Variants in RASAL2 observed in about 807,000 individuals in gnomAD.
The protein encoded by RASAL2 is RAS protein activator like 2, also known as ras GTPase-activating protein nGAP.
A neutral mutation model predicts 128.9 loss-of-function variants in RASAL2; 58 were observed. The observed-to-expected ratio is 0.45, with a 90% CI of 0.36 to 0.56. The LOEUF is 0.56. Among genes scored for constraint, RASAL2 ranks in the 20% least tolerant of loss-of-function variants. RASAL2 has a pLI of 0.00. For missense variants in RASAL2, 1,360 were observed against 1,601.6 expected (o/e 0.85, Z 2.57); for synonymous variants, 561 against 580.8 (o/e 0.97, Z 0.49).
chr1:178,406,959 G>C (rs186422404), intron 4 of RASAL2, among the ~76,000 whole-genome samples: 13 of 152,054 alleles, frequency 8.5e-5, no homozygotes, highest in Admixed American at 1.3e-4. Context: ...GAAAGTTTTA[G>C]TTTGCTTAAT....
At chr1:178,311,261 C>CACACACAA (rs1441078366) in intron 3 of RASAL2, among the ~76,000 whole-genome samples, 11 of 151,130 alleles carry the variant, frequency 7.3e-5, no homozygotes, top group African/African-American at 2.7e-4. Flanking sequence ...CAAACACACA[C>CACACACAA]ACACACACAC....
At chr1:178,461,970 T>C (rs1265929113) in intron 14 of RASAL2, among the ~76,000 whole-genome samples, 1 of 152,198 alleles carries the variant, frequency 6.6e-6, no homozygotes, top group African/African-American at 2.4e-5. Context: ...AGCGTTACTG[T>C]TTTTCCAGGG....
chr1:178,309,272 C>T (rs1197070420), intron 3 of RASAL2, among the ~76,000 whole-genome samples: 1 of 152,046 alleles, frequency 6.6e-6, no homozygotes, highest in Non-Finnish European at 1.5e-5. Context: ...ATGTCTTATT[C>T]CTCTCCTGTA....
rs79602748 is a variant in RASAL2, at chr1:178,292,720, G to A, written c.331-7272G>A. Among the ~76,000 whole-genome samples the A allele has an allele frequency of 9.8e-3, 1,484 of 152,204 alleles. 17 individuals are homozygous for A. Among genetic ancestry groups the A allele is most frequent in the African/African-American group, 0.034 (1,413 of 41,518 alleles). On this transcript the variant is annotated intron_variant, in intron 2 of 17. Coordinates refer to ENST00000367649, the MANE Select transcript of RASAL2 (RefSeq NM_170692.4). ...GTAAATTTGAGATTAAGGAGTTGAG[G>A]GAAATGGTAGAGAAGACAAACATGA... is the stretch of plus-strand genomic sequence containing the variant.
At chr1:178,154,493 G>A (rs146404708) in intron 1 of RASAL2, among the ~76,000 whole-genome samples, 64 of 152,160 alleles carry the variant, frequency 4.2e-4, no homozygotes, top group African/African-American at 1.1e-3. Context: ...TTCCAAAGTG[G>A]TCACACTGTT....
At chr1:178,366,514 TGTG>T (rs1406033091) in intron 3 of RASAL2, among the ~76,000 whole-genome samples, 1 of 151,262 alleles carries the variant, frequency 6.6e-6, no homozygotes, top group Non-Finnish European at 1.5e-5. Flanking sequence ...AGGGAGAAAA[TGTG>T]GTGATTGTAA....
chr1:178,338,585 A>C (rs981430012), intron 3 of RASAL2, among the ~76,000 whole-genome samples: 3 of 152,214 alleles, frequency 2.0e-5, no homozygotes, highest in Non-Finnish European at 4.4e-5. Context: ...TTCATAACTA[A>C]GAAAAAAAAT....
intron 4 of RASAL2, among the ~76,000 whole-genome samples, chr1:178,399,299 G>T (rs929375619): frequency 4.1e-5 from 6 of 147,264 alleles, no homozygotes; most frequent in East Asian, 2.1e-4. Context: ...CTTGGTAAGG[G>T]TAGTCCTTGC....
At chr1:178,264,920 G>T (rs1414748633) in intron 1 of RASAL2, among the ~76,000 whole-genome samples, 3 of 152,046 alleles carry the variant, frequency 2.0e-5, no homozygotes, top group Non-Finnish European at 4.4e-5. Context: ...CCCCCATTTG[G>T]GGGCCACTAA....
intron 3 of RASAL2, among the ~76,000 whole-genome samples, chr1:178,342,454 C>T (rs1669933500): frequency 6.6e-6 from 1 of 152,128 alleles, no homozygotes; most frequent in Non-Finnish European, 1.5e-5. Flanking sequence ...AGACCAAGTA[C>T]ATCATAAACC....
At chr1:178,211,813 T>G (rs1663265966) in intron 1 of RASAL2, among the ~76,000 whole-genome samples, 1 of 152,366 alleles carries the variant, frequency 6.6e-6, no homozygotes, top group East Asian at 1.9e-4. Flanking sequence ...CTGTATGTAC[T>G]TTATATTTTT....
At chr1:178,224,567 A>C (rs994849939) in intron 1 of RASAL2, among the ~76,000 whole-genome samples, 2 of 152,146 alleles carry the variant, frequency 1.3e-5, no homozygotes, top group African/African-American at 4.8e-5. Context: ...GAAAGATGTC[A>C]TCTTCTGGTT....
chr1:178,469,589 C>A (rs1469548017), intron 17 of RASAL2, among the ~76,000 whole-genome samples: 1 of 152,150 alleles, frequency 6.6e-6, no homozygotes, highest in East Asian at 1.9e-4. Flanking sequence ...GAAATGCTAT[C>A]CTCAAACCGT....
chr1:178,251,790 A>C (rs920242765), intron 1 of RASAL2, among the ~76,000 whole-genome samples: 2 of 152,158 alleles, frequency 1.3e-5, no homozygotes, highest in African/African-American at 4.8e-5. Flanking sequence ...GGAAAGTAAA[A>C]ACATAACTAT....
intron 3 of RASAL2, among the ~76,000 whole-genome samples, chr1:178,306,409 AC>A (rs1241996435): frequency 1.3e-5 from 2 of 152,204 alleles, no homozygotes; most frequent in Non-Finnish European, 2.9e-5. Flanking sequence ...TTGGGTATAT[AC>A]CCAGTAATGG....
intron 3 of RASAL2, among the ~76,000 whole-genome samples, chr1:178,307,534 G>T (rs1668053644): frequency 6.6e-6 from 1 of 152,146 alleles, no homozygotes; most frequent in South Asian, 2.1e-4. Context: ...AGTTGGCCGT[G>T]TGAACTAAAA....
At chr1:178,445,697 T>G in intron 9 of RASAL2, 35 bp downstream of exon 9, 5 of 1,574,040 alleles carry the variant, frequency 3.2e-6, no homozygotes, top group Non-Finnish European at 4.3e-6. Flanking sequence ...TTCTTTTATT[T>G]ACTTTTCAGT....
chr1:178,254,329 G>T (rs1409343802), intron 1 of RASAL2, among the ~76,000 whole-genome samples: 1 of 152,070 alleles, frequency 6.6e-6, no homozygotes, highest in Non-Finnish European at 1.5e-5. Flanking sequence ...ATAATATTTT[G>T]TACGTTTCAT....
At chr1:178,336,801 G>A (rs1187353929) in intron 3 of RASAL2, among the ~76,000 whole-genome samples, 8 of 152,090 alleles carry the variant, frequency 5.3e-5, no homozygotes, top group East Asian at 1.9e-4. Flanking sequence ...AACACTATCC[G>A]AAAATACTTT....
Sources: allele counts gnomAD v4.1 joint callset (sites outside exome capture counted in the v4.1 genomes callset), GRCh38; gene constraint gnomAD v4.1.1; transcripts MANE v1.5; gene names NCBI Gene and HGNC (gene_info 2026-07-23, HGNC 2026-07-21).